SSBP2: variants seen among roughly 807,000 people sequenced by gnomAD.
SSBP2 encodes single-stranded DNA-binding protein 2.
Under a neutral mutation model 61.8 loss-of-function variants are expected in SSBP2, and 17 were observed. That is an observed-to-expected ratio of 0.28 (90% CI 0.19 to 0.41). SSBP2 has a LOEUF of 0.41. SSBP2 is among the 10% of genes least tolerant of loss of function. SSBP2 has a pLI of 1.00. For synonymous variants in SSBP2, 139 were observed against 141.3 expected (o/e 0.98, Z 0.12); for missense variants, 310 against 458.7 (o/e 0.68, Z 2.96).
At chr5:81,565,405 A>G (rs189411144) in intron 4 of SSBP2, among the ~76,000 whole-genome samples, 103 of 152,320 alleles carry the variant, frequency 6.8e-4, no homozygotes, top group African/African-American at 2.4e-3. Context: ...ACTTAAATAT[A>G]AAACTATTGG....
At chr5:81,542,817 T>TTCTCTCTCCCTCTCTCTCTCTC (rs1771385698) in intron 4 of SSBP2, among the ~76,000 whole-genome samples, 2 of 106,724 alleles carry the variant, frequency 1.9e-5, no homozygotes, top group African/African-American at 8.1e-5. Flanking sequence ...ATTTGACAGT[T>TTCTCTCTCCCTCTCTCTCTCTC]TCTCTCTCTC....
At chr5:81,541,858 A>C (rs752018605) in intron 4 of SSBP2, among the ~76,000 whole-genome samples, 3 of 152,250 alleles carry the variant, frequency 2.0e-5, no homozygotes, top group Non-Finnish European at 4.4e-5. Context: ...GACTTCGTCC[A>C]TGGCAAAGAA....
intron 1 of SSBP2, among the ~76,000 whole-genome samples, chr5:81,749,971 G>A (rs1053431967): frequency 4.1e-4 from 62 of 152,038 alleles, no homozygotes; most frequent in African/African-American, 9.9e-4. Flanking sequence ...CGCCACAGCT[G>A]CCCTCCTCGG....
intron 6 of SSBP2, among the ~76,000 whole-genome samples, chr5:81,487,059 G>T (rs187421685): frequency 4.8e-3 from 728 of 152,262 alleles, no homozygotes; most frequent in Non-Finnish European, 7.9e-3. Flanking sequence ...TAACTTTCTT[G>T]TTCCATTTCT....
chr5:81,441,799 C>T (rs3805725), intron 13 of SSBP2, among the ~76,000 whole-genome samples: 18,113 of 152,112 alleles, frequency 0.12, 2,304 homozygotes, highest in African/African-American at 0.32. Context: ...GTATGCCTCA[C>T]TGATATAAGG....
At position 81,442,682 on chromosome 5, in the gene SSBP2, C is replaced by G; in HGVS notation, c.820G>C (p.Ala274Pro). 6.3e-7 allele frequency: 1 copy of G among 1,581,960 alleles called. No individual in the cohort carries two copies. Among genetic ancestry groups the G allele is most frequent in the Non-Finnish European group, 8.6e-7 (1 of 1,163,062 alleles). ...GGTCTGTTAGGTCCAGGAGGTACTGCATTCATTAAAGTATACATGTTATCA... is the reference window on the plus strand; with the variant it reads ...GGTCTGTTAGGTCCAGGAGGTACTGGATTCATTAAAGTATACATGTTATCA... The change falls in exon 13 of 17, where the codon GCA (alanine) becomes CCA (proline). Residue 274 changes from alanine to proline, a missense_variant. By Grantham distance (27) the Ala-to-Pro change is conservative. Transcript: ENST00000320672.
At chr5:81,588,943 A>T (rs1461917560) in intron 4 of SSBP2, among the ~76,000 whole-genome samples, 1 of 152,166 alleles carries the variant, frequency 6.6e-6, no homozygotes, top group Non-Finnish European at 1.5e-5. Flanking sequence ...ACATGCCTGT[A>T]GTCTCAGCTA....
rs973149302 is a variant in SSBP2 at position 81,418,345 on chromosome 5, A to G, written c.*2159T>C. ...GGCACCTGAATACTGTGTGTGATTA[A>G]CTGAGGCTCATTTTATGATAGTTTA... is the stretch of plus-strand genomic sequence containing the variant. On this transcript the variant is annotated 3_prime_UTR_variant, in exon 17 of 17. Transcript: ENST00000320672. 2.6e-5 allele frequency: 4 copies of G among 152,238 alleles called. No homozygotes were observed. The highest frequency in any genetic ancestry group is 2.6e-4 in the Admixed American group (4 of 15,284). 9.4% of individuals were successfully genotyped at this position (152,238 alleles called of 1,614,324 possible).
At chr5:81,534,490 G>A (rs563545357) in intron 4 of SSBP2, among the ~76,000 whole-genome samples, 1 of 152,102 alleles carries the variant, frequency 6.6e-6, no homozygotes, top group South Asian at 2.1e-4. Flanking sequence ...AGAACATATG[G>A]ACAATGTAAG....
intron 4 of SSBP2, among the ~76,000 whole-genome samples, chr5:81,582,328 T>C (rs1383197433): frequency 6.6e-6 from 1 of 152,176 alleles, no homozygotes; most frequent in Non-Finnish European, 1.5e-5. Context: ...CAGATTTCCA[T>C]TTTAAAAATT....
intron 1 of SSBP2, among the ~76,000 whole-genome samples, chr5:81,702,047 G>A (rs556403117): frequency 2.6e-5 from 4 of 152,206 alleles, no homozygotes; most frequent in Admixed American, 6.5e-5. Context: ...GGTACACACT[G>A]AAAGAAATCA....
chr5:81,482,105 C>T (rs1024808795), intron 6 of SSBP2, among the ~76,000 whole-genome samples: 2 of 152,036 alleles, frequency 1.3e-5, no homozygotes, highest in African/African-American at 4.8e-5. Flanking sequence ...CCAAGCCCAG[C>T]TAATTTTCTG....
chr5:81,617,730 C>T (rs1265842338), intron 3 of SSBP2, among the ~76,000 whole-genome samples: 3 of 95,208 alleles, frequency 3.2e-5, no homozygotes, highest in Non-Finnish European at 6.3e-5. Context: ...CAAAGGAAAG[C>T]CCATCAGACT....
At chr5:81,548,992 CATT>C (rs1283707427) in intron 4 of SSBP2, among the ~76,000 whole-genome samples, 1 of 152,062 alleles carries the variant, frequency 6.6e-6, no homozygotes, top group Non-Finnish European at 1.5e-5. Flanking sequence ...ATTTAACTGA[CATT>C]ATATTTATTT....
intron 4 of SSBP2, among the ~76,000 whole-genome samples, chr5:81,605,867 G>C (rs1468239730): frequency 6.6e-6 from 1 of 152,098 alleles, no homozygotes; most frequent in African/African-American, 2.4e-5. Context: ...AGAAATATTA[G>C]AAGAAAACCT....
chr5:81,725,404 A>G (rs144289269), intron 1 of SSBP2, among the ~76,000 whole-genome samples: 1 of 152,262 alleles, frequency 6.6e-6, no homozygotes, highest in East Asian at 1.9e-4. Context: ...ACTACTATGT[A>G]CTCCTAGTGA....
intron 2 of SSBP2, among the ~76,000 whole-genome samples, chr5:81,640,843 C>A (rs1020009876): frequency 2.6e-5 from 4 of 152,150 alleles, no homozygotes; most frequent in African/African-American, 9.7e-5. Context: ...CACTTTTTCA[C>A]TAGTTGGTAT....
chr5:81,718,842 A>C (rs1238039529), intron 1 of SSBP2, among the ~76,000 whole-genome samples: 1 of 152,206 alleles, frequency 6.6e-6, no homozygotes, highest in Non-Finnish European at 1.5e-5. Flanking sequence ...CACTGCAAGT[A>C]AGTCTGTAAC....
chr5:81,573,668 T>C (rs1392967086), intron 4 of SSBP2, among the ~76,000 whole-genome samples: 2 of 152,214 alleles, frequency 1.3e-5, no homozygotes, highest in Non-Finnish European at 2.9e-5. Flanking sequence ...TGGAATATTA[T>C]TAAGATTGTC....
Sources: gnomAD v4.1 joint callset for allele counts (sites outside exome capture counted in the v4.1 genomes callset) on GRCh38, gnomAD v4.1.1 for gene constraint, MANE v1.5 for transcripts, NCBI Gene and HGNC (gene_info 2026-07-23, HGNC 2026-07-21) for gene names.